Variants in NDFIP2 observed in about 807,000 individuals in gnomAD.
The protein encoded by NDFIP2 is NEDD4 family-interacting protein 2.
NDFIP2 carries 19 observed loss-of-function variants against 36.0 expected under a neutral mutation model. The observed-to-expected ratio is 0.53, with a 90% CI of 0.37 to 0.77. NDFIP2 has a LOEUF of 0.77. NDFIP2 is among the 30% of genes least tolerant of loss of function. The probability of loss-of-function intolerance (pLI) is 0.00; values close to 1 mark genes in which losing one functional copy is unlikely to be tolerated. For missense variants in NDFIP2, 446 were observed against 435.8 expected, an observed-to-expected ratio of 1.02 and a Z score of -0.21; for synonymous variants, 181 against 167.7, an observed-to-expected ratio of 1.08 and a Z score of -0.61.
chr13:79,519,663 C>G (rs950655542), intron 1 of NDFIP2, among the ~76,000 whole-genome samples: 1 of 152,212 alleles, frequency 6.6e-6, no homozygotes, highest in African/African-American at 2.4e-5. Context: ...TGTGGAGATT[C>G]AGTTAAGTAA....
chr13:79,532,856 C>T (rs1051865975), intron 2 of NDFIP2, among the ~76,000 whole-genome samples: 2 of 152,110 alleles, frequency 1.3e-5, no homozygotes, highest in Non-Finnish European at 2.9e-5. Flanking sequence ...TTTCCTGAAC[C>T]TCAGAGATGC....
intron 5 of NDFIP2, among the ~76,000 whole-genome samples, chr13:79,547,032 A>C (rs935376388): frequency 2.6e-5 from 4 of 152,054 alleles, no homozygotes; most frequent in African/African-American, 9.6e-5. Flanking sequence ...TAAATCTCTG[A>C]AATTACTATA....
At chr13:79,548,041 T>C (rs1030839163) in intron 5 of NDFIP2, among the ~76,000 whole-genome samples, 36 of 152,114 alleles carry the variant, frequency 2.4e-4, no homozygotes, top group African/African-American at 8.7e-4. Context: ...TAAGAAAATG[T>C]GTGATTCAGA....
At chr13:79,497,033 G>A (rs1262851637) in intron 1 of NDFIP2, among the ~76,000 whole-genome samples, 1 of 151,892 alleles carries the variant, frequency 6.6e-6, no homozygotes, top group Non-Finnish European at 1.5e-5. Context: ...TCTACTGATT[G>A]CCTTTCCCCC....
At chr13:79,514,143 C>G (rs964962448) in intron 1 of NDFIP2, among the ~76,000 whole-genome samples, 3 of 152,182 alleles carry the variant, frequency 2.0e-5, no homozygotes, top group Non-Finnish European at 4.4e-5. Context: ...AGCCCTCTCT[C>G]CTTTAATGTA....
intron 1 of NDFIP2, among the ~76,000 whole-genome samples, chr13:79,509,249 C>T (rs1873984283): frequency 6.6e-6 from 1 of 151,904 alleles, no homozygotes; most frequent in Non-Finnish European, 1.5e-5. Flanking sequence ...GTAAGATGTA[C>T]ATTTATTTGG....
At position 79,543,590 on chromosome 13, in the gene NDFIP2, T is replaced by G. The variant is rs1381510648; in HGVS notation, c.748T>G (p.Leu250Val). 6.2e-7 allele frequency: 1 copy of G among 1,613,892 alleles called. No individual in the cohort carries two copies. Residue 250 changes from leucine to valine, a missense_variant, in exon 5 of 8, where the codon TTA becomes GTA. Physicochemically the swap from Leu to Val is conservative, Grantham distance 32. Around this residue, in one of 2 missense-constraint regions of NDFIP2, gnomAD observed 77 missense variants for 131.0 expected, o/e 0.59. Coordinates refer to ENST00000218652, the MANE Select transcript of NDFIP2 (RefSeq NM_019080.3). Reference protein sequence around the residue: ...AFIFNWLGFCLSFCITNTIAG... With the variant: ...AFIFNWLGFCVSFCITNTIAG... ...TATTTTCAACTGGCTTGGATTTTGT[T>G]TATCCTTCTGTATCACCAATACCAT...
intron 2 of NDFIP2, among the ~76,000 whole-genome samples, chr13:79,523,007 C>A (rs1437774346): frequency 6.6e-6 from 1 of 152,102 alleles, no homozygotes; most frequent in East Asian, 1.9e-4. Flanking sequence ...TAGCACCAAA[C>A]CTTCTCCTTC....
chr13:79,532,382 CAG>C (rs545310911), intron 2 of NDFIP2, among the ~76,000 whole-genome samples: 50 of 152,260 alleles, frequency 3.3e-4, no homozygotes, highest in African/African-American at 1.1e-3. Context: ...TGATGTCAAA[CAG>C]TGTGGTGTAT....
chr13:79,510,196 T>C (rs1014159670), intron 1 of NDFIP2, among the ~76,000 whole-genome samples: 3 of 151,990 alleles, frequency 2.0e-5, no homozygotes, highest in East Asian at 1.9e-4. Flanking sequence ...TTTTTAAGAG[T>C]GTACTTTTTT....
intron 1 of NDFIP2, among the ~76,000 whole-genome samples, chr13:79,491,051 T>C (rs577041877): frequency 6.6e-6 from 1 of 152,360 alleles, no homozygotes; most frequent in South Asian, 2.1e-4. Flanking sequence ...GTTTCCTGTT[T>C]GTTTTTATCC....
intron 1 of NDFIP2, among the ~76,000 whole-genome samples, chr13:79,482,010 T>C (rs2140724550): frequency 6.6e-6 from 1 of 152,094 alleles, no homozygotes; most frequent in East Asian, 1.9e-4. Context: ...TTGGCAAAAA[T>C]GTGGGTTAGG....
At chr13:79,512,953 C>T (rs1003292231) in intron 1 of NDFIP2, among the ~76,000 whole-genome samples, 11 of 152,168 alleles carry the variant, frequency 7.2e-5, no homozygotes, top group African/African-American at 2.4e-4. Flanking sequence ...ACCAGGATTA[C>T]TCTGTGTTGT....
chr13:79,552,225 A>G (rs1208308304), intron 7 of NDFIP2, among the ~76,000 whole-genome samples: 1 of 151,316 alleles, frequency 6.6e-6, no homozygotes, highest in Non-Finnish European at 1.5e-5. Context: ...GGCATTAAGA[A>G]TTTGTCAGTA....
intron 2 of NDFIP2, among the ~76,000 whole-genome samples, chr13:79,526,249 A>T (rs1223719873): frequency 1.3e-5 from 2 of 152,192 alleles, no homozygotes; most frequent in African/African-American, 2.4e-5. Flanking sequence ...TGGAATGAAG[A>T]TCAAAATGTT....
At position 79,481,318 on chromosome 13, in the gene NDFIP2, G is replaced by A. The variant is rs779771644; in HGVS notation, c.115G>A (p.Ala39Thr). Residue 39 changes from alanine (A) to threonine (T), a missense_variant, in exon 1 of 8, where the codon GCC (alanine) becomes ACC (threonine). Coordinates refer to ENST00000218652, the MANE Select transcript of NDFIP2 (RefSeq NM_019080.3). ...CGCGACCAACGCGGAGGTCTCGGCG[G>A]CCGCTGCGGGAGCCACAGGAAGTGA... Reference protein sequence around the residue: ...GTATNAEVSAAAAGATGSEEL... With the variant: ...GTATNAEVSATAAGATGSEEL... 12 of 1,543,292 alleles carry A rather than the reference G, an allele frequency of 7.8e-6. No individual in the cohort carries two copies. Among genetic ancestry groups the A allele is most frequent in the Non-Finnish European group, 9.6e-6 (11 of 1,146,646 alleles).
intron 1 of NDFIP2, among the ~76,000 whole-genome samples, chr13:79,494,726 G>A (rs1317669211): frequency 6.6e-6 from 1 of 151,928 alleles, no homozygotes; most frequent in Non-Finnish European, 1.5e-5. Flanking sequence ...CATTTTGGTG[G>A]AAGATGTTTT....
At chr13:79,512,546 A>G (rs1042615921) in intron 1 of NDFIP2, among the ~76,000 whole-genome samples, 2 of 152,202 alleles carry the variant, frequency 1.3e-5, no homozygotes, top group Non-Finnish European at 2.9e-5. Flanking sequence ...GCAACTCTTA[A>G]GGGATCAGAG....
At chr13:79,537,884 G>A (rs1423627922) in intron 3 of NDFIP2, among the ~76,000 whole-genome samples, 1 of 152,186 alleles carries the variant, frequency 6.6e-6, no homozygotes, top group Non-Finnish European at 1.5e-5. Context: ...AAATACCCAA[G>A]ACTGGGGAAT....
Sources: allele counts gnomAD v4.1 joint callset (sites outside exome capture counted in the v4.1 genomes callset), GRCh38; gene constraint gnomAD v4.1.1; regional missense constraint gnomAD v4.1.1; transcripts MANE v1.5; gene names NCBI Gene and HGNC (gene_info 2026-07-23, HGNC 2026-07-21).